Variants in LRRTM4 observed in about 807,000 individuals in gnomAD.
The protein encoded by LRRTM4 is leucine rich repeat transmembrane neuronal 4, also known as leucine-rich repeat transmembrane neuronal protein 4.
In LRRTM4, 25 loss-of-function variants were observed where a neutral mutation model predicts 47.6. The observed-to-expected ratio is 0.53, with a 90% CI of 0.38 to 0.73. The LOEUF is 0.73. Ranked by LOEUF, LRRTM4 falls within the 30% of genes least tolerant of loss-of-function variation. The pLI, the probability that LRRTM4 is intolerant of heterozygous loss-of-function variation, is 0.00. For missense variants in LRRTM4, 638 were observed against 713.4 expected, an observed-to-expected ratio of 0.89 and a Z score of 1.20; for synonymous variants, 311 against 269.5, an observed-to-expected ratio of 1.15 and a Z score of -1.51.
At chr2:77,074,946 T>A (rs1680283726) in intron 3 of LRRTM4, among the ~76,000 whole-genome samples, 1 of 152,298 alleles carries the variant, frequency 6.6e-6, no homozygotes, top group South Asian at 2.1e-4. Context: ...ATTTTTTCTA[T>A]GTTTTTGTTA....
intron 3 of LRRTM4, among the ~76,000 whole-genome samples, chr2:77,295,670 A>G (rs575949556): frequency 1.3e-5 from 2 of 152,154 alleles, no homozygotes; most frequent in Non-Finnish European, 2.9e-5. Context: ...GACTGAGAAA[A>G]GGACCTAGCC....
chr2:77,155,562 T>C (rs1418413427), intron 3 of LRRTM4, among the ~76,000 whole-genome samples: 2 of 150,680 alleles, frequency 1.3e-5, no homozygotes, highest in Non-Finnish European at 3.0e-5. Context: ...AATAATATTA[T>C]ATATATATAT....
At chr2:77,278,217 G>A (rs1676414249) in intron 3 of LRRTM4, among the ~76,000 whole-genome samples, 1 of 151,956 alleles carries the variant, frequency 6.6e-6, no homozygotes, top group Non-Finnish European at 1.5e-5. Context: ...CAAAGCCAGT[G>A]TGTTTTCATT....
At chr2:77,007,705 A>G (rs1677708740) in intron 3 of LRRTM4, among the ~76,000 whole-genome samples, 1 of 152,176 alleles carries the variant, frequency 6.6e-6, no homozygotes, top group African/African-American at 2.4e-5. Context: ...AAAGGAAGGT[A>G]TTTATAGTCT....
intron 3 of LRRTM4, among the ~76,000 whole-genome samples, chr2:77,357,274 G>C (rs1024914206): frequency 6.6e-6 from 1 of 152,042 alleles, no homozygotes; most frequent in Admixed American, 6.6e-5. Context: ...TAAGAATAAC[G>C]TCTTACAAAA....
intron 3 of LRRTM4, among the ~76,000 whole-genome samples, chr2:76,803,630 T>A: frequency 6.6e-6 from 1 of 152,234 alleles, no homozygotes; most frequent in South Asian, 2.1e-4. Flanking sequence ...AGTGAAAAGC[T>A]TTTTAAAGAG....
At chr2:77,074,750 C>A (rs1374083396) in intron 3 of LRRTM4, among the ~76,000 whole-genome samples, 1 of 152,096 alleles carries the variant, frequency 6.6e-6, no homozygotes, top group Admixed American at 6.5e-5. Flanking sequence ...CAAACCTTGA[C>A]TTTCTAAATC....
chr2:77,324,067 A>G (rs900949689), intron 3 of LRRTM4, among the ~76,000 whole-genome samples: 2 of 152,292 alleles, frequency 1.3e-5, no homozygotes, highest in East Asian at 3.9e-4. Context: ...CTTCAGGCAC[A>G]TCACCACTAC....
At chr2:77,169,899 G>T (rs543763069) in intron 3 of LRRTM4, among the ~76,000 whole-genome samples, 6 of 152,016 alleles carry the variant, frequency 3.9e-5, no homozygotes, top group African/African-American at 9.6e-5. Context: ...GTTTTTTTAG[G>T]TCTAAGTTTG....
chr2:77,249,540 CA>C (rs1675546023), intron 3 of LRRTM4, among the ~76,000 whole-genome samples: 1 of 151,106 alleles, frequency 6.6e-6, no homozygotes, highest in Non-Finnish European at 1.5e-5. Flanking sequence ...ATAGAGATGG[CA>C]AAAAAGCATA....
chr2:76,923,777 T>G (rs910597497), intron 3 of LRRTM4, among the ~76,000 whole-genome samples: 2 of 152,248 alleles, frequency 1.3e-5, no homozygotes, highest in African/African-American at 4.8e-5. Context: ...CAAAGGCAAA[T>G]AGGAATATTT....
intron 3 of LRRTM4, among the ~76,000 whole-genome samples, chr2:77,257,144 T>G (rs1021828543): frequency 4.9e-4 from 74 of 152,124 alleles, no homozygotes; most frequent in African/African-American, 1.8e-3. Context: ...TTCTTCAACT[T>G]GATAATACTT....
At chr2:77,111,283 A>ATT (rs71381260) in intron 3 of LRRTM4, among the ~76,000 whole-genome samples, 1,308 of 113,066 alleles carry the variant, frequency 0.012, 29 homozygotes, top group Admixed American at 0.04. Flanking sequence ...ACACCTGGCT[A>ATT]TTTTTTTTTT....
intron 3 of LRRTM4, among the ~76,000 whole-genome samples, chr2:77,400,790 A>T (rs1186171231): frequency 6.6e-6 from 1 of 151,734 alleles, no homozygotes; most frequent in Admixed American, 6.6e-5. Context: ...TGCCTCTGGG[A>T]CTTTTTATCT....
chr2:77,211,275 G>A (rs1164874853), intron 3 of LRRTM4, among the ~76,000 whole-genome samples: 3 of 152,098 alleles, frequency 2.0e-5, no homozygotes, highest in East Asian at 1.9e-4. Context: ...GGACAGATAA[G>A]GGGACACTCA....
chr2:77,093,702 C>T (rs1572955878), intron 3 of LRRTM4, among the ~76,000 whole-genome samples: 1 of 151,706 alleles, frequency 6.6e-6, no homozygotes, highest in South Asian at 2.1e-4. Flanking sequence ...GCCATCGCAT[C>T]CCCTGTGACT....
chr2:77,461,795 T>C (rs550269069), intron 3 of LRRTM4, among the ~76,000 whole-genome samples: 34 of 152,204 alleles, frequency 2.2e-4, no homozygotes, highest in Admixed American at 7.2e-4. Context: ...GAATACTGAA[T>C]TACACTGAGC....
intron 3 of LRRTM4, among the ~76,000 whole-genome samples, chr2:76,873,154 C>T (rs544454287): frequency 5.1e-4 from 78 of 152,088 alleles, no homozygotes; most frequent in Non-Finnish European, 9.7e-4. Flanking sequence ...AAACGGTACA[C>T]AAAAATCTGT....
chr2:76,845,523 G>C (rs1319585444), intron 3 of LRRTM4, among the ~76,000 whole-genome samples: 2 of 152,082 alleles, frequency 1.3e-5, no homozygotes, highest in African/African-American at 4.8e-5. Flanking sequence ...GAATTCTCCA[G>C]GGAGGGAGGC....
Sources: allele counts gnomAD v4.1 joint callset (sites outside exome capture counted in the v4.1 genomes callset), GRCh38; gene constraint gnomAD v4.1.1; transcripts MANE v1.5; gene names NCBI Gene and HGNC (gene_info 2026-07-23, HGNC 2026-07-21).